The following LRRC49 variants were observed in gnomAD, a reference collection of about 807,000 sequenced individuals.
LRRC49 encodes leucine-rich repeat-containing protein 49.
In LRRC49, 50 loss-of-function variants were observed where a neutral mutation model predicts 83.3. That is an observed-to-expected ratio of 0.60 (90% CI 0.48 to 0.76). The LOEUF (loss-of-function observed/expected upper bound fraction) is 0.76. Among genes scored for constraint, LRRC49 ranks in the 30% least tolerant of loss-of-function variants. The pLI is 0.00. For missense variants in LRRC49, 704 were observed against 809.1 expected, an observed-to-expected ratio of 0.87 and a Z score of 1.58; for synonymous variants, 286 against 283.3, an observed-to-expected ratio of 1.01 and a Z score of -0.10.
At chr15:70,958,102 C>T (rs904057946) in intron 8 of LRRC49, among the ~76,000 whole-genome samples, 1 of 152,062 alleles carries the variant, frequency 6.6e-6, no homozygotes. Context: ...TTACTAATTT[C>T]TGTCCATGCT....
intron 1 of LRRC49, among the ~76,000 whole-genome samples, chr15:70,864,579 C>T (rs2032870790): frequency 5.9e-5 from 9 of 152,198 alleles, no homozygotes; most frequent in Admixed American, 5.9e-4. Flanking sequence ...CTGAAGGCAC[C>T]ACTCTTCTGT....
In LRRC49 at chr15:71,049,488, A is replaced by G; in HGVS notation, c.1937A>G (p.Asn646Ser). Reference protein sequence around the residue: ...VKEATEINMKNEALQKLWPQM... With the variant: ...VKEATEINMKSEALQKLWPQM... ...GAAGCCACAGAAATCAACATGAAAA[A>G]TGAGGCTTTGCAGAAGCTTTGGCCA... The change falls in exon 16 of 16, where the codon AAT becomes AGT. Residue 646 changes from asparagine to serine, a missense_variant. Asn to Ser is a conservative substitution (Grantham distance 46). This residue lies in a region of LRRC49 where 275 missense variants were observed against 338.0 expected (regional missense o/e 0.81). Coordinates refer to ENST00000260382, the MANE Select transcript of LRRC49 (RefSeq NM_017691.5). 6.2e-7 allele frequency: 1 copy of G among 1,613,790 alleles called. No individual in the cohort carries two copies. The highest frequency in any genetic ancestry group is 8.5e-7 in the Non-Finnish European group (1 of 1,179,666).
intron 1 of LRRC49, among the ~76,000 whole-genome samples, chr15:70,866,529 T>C (rs1165352041): frequency 6.6e-6 from 1 of 152,210 alleles, no homozygotes; most frequent in African/African-American, 2.4e-5. Context: ...GTTAGGTTTC[T>C]GCATGGAAAT....
intron 6 of LRRC49, among the ~76,000 whole-genome samples, chr15:70,916,404 C>T (rs2141129233): frequency 6.6e-6 from 1 of 152,274 alleles, no homozygotes; most frequent in African/African-American, 2.4e-5. Flanking sequence ...AAGTGATTCT[C>T]TTGCCTTAGC....
chr15:70,875,208 T>C (rs890135181), intron 2 of LRRC49, among the ~76,000 whole-genome samples: 1 of 152,218 alleles, frequency 6.6e-6, no homozygotes, highest in Non-Finnish European at 1.5e-5. Flanking sequence ...CCAGCAGTTC[T>C]TTGGTGCTTT....
chr15:70,980,923 G>A (rs1331606880), intron 10 of LRRC49, among the ~76,000 whole-genome samples: 2 of 152,126 alleles, frequency 1.3e-5, no homozygotes, highest in African/African-American at 4.8e-5. Flanking sequence ...AGGCAAGGTG[G>A]TATGTACCTG....
At chr15:70,861,396 C>G (rs2032784652) in intron 1 of LRRC49, among the ~76,000 whole-genome samples, 1 of 151,768 alleles carries the variant, frequency 6.6e-6, no homozygotes, top group South Asian at 2.1e-4. Flanking sequence ...AGCTCGTGTT[C>G]TAGTGGGGGA....
chr15:70,984,058 A>G, intron 10 of LRRC49, 36 bp from the exon 11 acceptor site: 1 of 1,574,166 alleles, frequency 6.4e-7, no homozygotes, highest in Non-Finnish European at 8.7e-7. Context: ...CAAAAATTGC[A>G]TTATATAACT....
intron 9 of LRRC49, among the ~76,000 whole-genome samples, chr15:70,969,835 G>A (rs576701552): frequency 6.6e-6 from 1 of 152,276 alleles, no homozygotes; most frequent in Admixed American, 6.5e-5. Context: ...TTTGTATCCT[G>A]AGACTTTGCT....
At chr15:70,924,822 A>G (rs1224042021) in intron 7 of LRRC49, among the ~76,000 whole-genome samples, 1 of 151,966 alleles carries the variant, frequency 6.6e-6, no homozygotes, top group Non-Finnish European at 1.5e-5. Context: ...TTCATGATTG[A>G]TGGTTTGACT....
At chr15:70,880,178 C>G (rs2033234158) in intron 2 of LRRC49, among the ~76,000 whole-genome samples, 1 of 152,200 alleles carries the variant, frequency 6.6e-6, no homozygotes, top group Admixed American at 6.5e-5. Flanking sequence ...GGTCTCTGAT[C>G]ATATATGCTC....
At chr15:70,877,912 G>C (rs1460434603) in intron 2 of LRRC49, among the ~76,000 whole-genome samples, 1 of 152,156 alleles carries the variant, frequency 6.6e-6, no homozygotes, top group Admixed American at 6.5e-5. Flanking sequence ...GGTGGATCAC[G>C]AGGTCAGGAG....
intron 1 of LRRC49, among the ~76,000 whole-genome samples, chr15:70,866,211 G>T (rs534881255): frequency 1.3e-5 from 2 of 151,858 alleles, no homozygotes; most frequent in East Asian, 3.9e-4. Context: ...GCAGTGGTGC[G>T]ATCTTGGCTC....
intron 8 of LRRC49, among the ~76,000 whole-genome samples, chr15:70,941,260 T>C (rs2035803691): frequency 6.6e-6 from 1 of 152,164 alleles, no homozygotes; most frequent in South Asian, 2.1e-4. Context: ...GATGTAATTA[T>C]TGGGTCTAAA....
chr15:71,022,330 G>A (rs1439899753), intron 14 of LRRC49, among the ~76,000 whole-genome samples: 2 of 152,070 alleles, frequency 1.3e-5, no homozygotes, highest in African/African-American at 2.4e-5. Context: ...TTGAGATTGT[G>A]CAACTGCACC....
At chr15:70,979,503 G>A (rs2037324466) in intron 9 of LRRC49, among the ~76,000 whole-genome samples, 1 of 151,144 alleles carries the variant, frequency 6.6e-6, no homozygotes, top group African/African-American at 2.4e-5. Context: ...CTTAGCAAAT[G>A]CCAAGATTAC....
chr15:70,893,551 A>C, intron 1 of LRRC49, 33 bp from the exon 2 acceptor site: 1 of 1,457,130 alleles, frequency 6.9e-7, no homozygotes, highest in Non-Finnish European at 9.6e-7. Flanking sequence ...GTGTATTAAG[A>C]GCAAATTTTA....
intron 14 of LRRC49, among the ~76,000 whole-genome samples, chr15:71,021,712 G>C (rs2039001179): frequency 6.6e-6 from 1 of 152,148 alleles, no homozygotes; most frequent in South Asian, 2.1e-4. Context: ...TTGTTTGAGG[G>C]TTGGCTGGCT....
rs918260677 is a variant in LRRC49, at chr15:70,987,818, C to A, written c.1169+3561C>A. On this transcript the variant is annotated intron_variant, in intron 11 of 15. Transcript: ENST00000260382. ...ACACACTGCTTTGAATGTGTCCCAG[C>A]GATTCTGGTATGTTGTGTCTTTGTT... Among the ~76,000 whole-genome samples, 713 of 151,908 alleles carry A rather than the reference C, an allele frequency of 4.7e-3. 2 individuals carry two copies. The highest frequency in any genetic ancestry group is 8.2e-3 in the Non-Finnish European group (560 of 67,898).
Sources: allele counts gnomAD v4.1 joint callset (sites outside exome capture counted in the v4.1 genomes callset), GRCh38; gene constraint gnomAD v4.1.1; regional missense constraint gnomAD v4.1.1; transcripts MANE v1.5; gene names NCBI Gene and HGNC (gene_info 2026-07-23, HGNC 2026-07-21).